The following ADAMTS17 variants were observed in gnomAD, a reference collection of about 807,000 sequenced individuals.
The protein encoded by ADAMTS17 is ADAM metallopeptidase with thrombospondin type 1 motif 17, also known as A disintegrin and metalloproteinase with thrombospondin motifs 17.
In ADAMTS17, 113 loss-of-function variants were observed where a neutral mutation model predicts 141.5. That is an observed-to-expected ratio of 0.80 (90% confidence interval 0.69 to 0.93). The LOEUF is 0.93. Among genes scored for constraint, ADAMTS17 ranks in the 40% least tolerant of loss-of-function variants. ADAMTS17 has a pLI of 0.00. For missense variants in ADAMTS17, 1,659 were observed against 1,517.9 expected (o/e 1.09, Z -1.54); for synonymous variants, 768 against 630.6 (o/e 1.22, Z -3.27).
intron 7 of ADAMTS17, among the ~76,000 whole-genome samples, chr15:100,200,410 G>A (rs1313689964): frequency 5.3e-5 from 8 of 152,056 alleles, no homozygotes; most frequent in Non-Finnish European, 7.4e-5. Flanking sequence ...AGCCCATGCC[G>A]GCCGCACTTC....
intron 6 of ADAMTS17, among the ~76,000 whole-genome samples, chr15:100,255,897 G>T (rs1457900949): frequency 6.6e-6 from 1 of 152,342 alleles, no homozygotes; most frequent in East Asian, 1.9e-4. Flanking sequence ...TCAAATGACA[G>T]ACCCCGAGGT....
chr15:100,236,473 T>C (rs569650365), intron 7 of ADAMTS17, among the ~76,000 whole-genome samples: 1 of 151,942 alleles, frequency 6.6e-6, no homozygotes, highest in South Asian at 2.1e-4. Context: ...CAGAGGCATG[T>C]AAATCTACAG....
intron 14 of ADAMTS17, among the ~76,000 whole-genome samples, chr15:100,104,090 A>AG (rs1294584214): frequency 6.6e-6 from 1 of 152,210 alleles, no homozygotes; most frequent in Non-Finnish European, 1.5e-5. Context: ...CAAACCAGTA[A>AG]GGCAAGCATA....
intron 15 of ADAMTS17, among the ~76,000 whole-genome samples, chr15:100,081,053 CAA>C (rs1465073366): frequency 1.3e-5 from 2 of 152,174 alleles, no homozygotes; most frequent in Admixed American, 1.3e-4. Context: ...AGGGTGTTGC[CAA>C]AAGAGTTTAA....
At chr15:100,217,079 A>G (rs984975681) in intron 7 of ADAMTS17, among the ~76,000 whole-genome samples, 2 of 151,132 alleles carry the variant, frequency 1.3e-5, no homozygotes, top group African/African-American at 4.9e-5. Flanking sequence ...GACATGAGAC[A>G]TGGGTTTGTG....
chr15:100,251,415 A>G (rs1171543706), intron 7 of ADAMTS17, among the ~76,000 whole-genome samples: 1 of 152,208 alleles, frequency 6.6e-6, no homozygotes, highest in Admixed American at 6.5e-5. Context: ...ATAGGTAGAG[A>G]GAGGACCTTC....
chr15:100,087,110 G>A (rs2035155763), intron 15 of ADAMTS17, among the ~76,000 whole-genome samples: 2 of 152,058 alleles, frequency 1.3e-5, no homozygotes, highest in African/African-American at 2.4e-5. Flanking sequence ...TAATAAAGAA[G>A]AAAACAGAGA....
chr15:100,106,294 G>C (rs2036411572), intron 14 of ADAMTS17, among the ~76,000 whole-genome samples: 1 of 152,212 alleles, frequency 6.6e-6, no homozygotes, highest in South Asian at 2.1e-4. Context: ...TGAGAAATAA[G>C]TCTGTTGCTT....
intron 3 of ADAMTS17, among the ~76,000 whole-genome samples, chr15:100,317,213 T>C (rs998947259): frequency 6.6e-6 from 1 of 152,088 alleles, no homozygotes; most frequent in Non-Finnish European, 1.5e-5. Context: ...AAAGACATAG[T>C]TCATATCAAC....
At chr15:100,158,603 C>A (rs2039546805) in intron 8 of ADAMTS17, among the ~76,000 whole-genome samples, 1 of 146,688 alleles carries the variant, frequency 6.8e-6, no homozygotes, top group East Asian at 2.0e-4. Context: ...CTCCTCCCTC[C>A]AGCCCCTGGC....
chr15:100,219,290 T>C (rs2141771857), intron 7 of ADAMTS17, among the ~76,000 whole-genome samples: 1 of 152,324 alleles, frequency 6.6e-6, no homozygotes. Flanking sequence ...GCTGTGTAAT[T>C]CTATAAATAT....
At chr15:100,100,073 G>A (rs867182830) in intron 14 of ADAMTS17, among the ~76,000 whole-genome samples, 2 of 152,184 alleles carry the variant, frequency 1.3e-5, no homozygotes, top group African/African-American at 4.8e-5. Context: ...CCCTGTCTCT[G>A]TTGTGCATGT....
intron 4 of ADAMTS17, among the ~76,000 whole-genome samples, chr15:100,270,958 C>T (rs914365895): frequency 2.0e-5 from 3 of 151,806 alleles, no homozygotes; most frequent in African/African-American, 7.3e-5. Context: ...GACTTTCCGT[C>T]TCTGTGAATT....
chr15:100,044,276 C>T (rs1299225475), intron 18 of ADAMTS17, among the ~76,000 whole-genome samples: 2 of 152,132 alleles, frequency 1.3e-5, no homozygotes, highest in Admixed American at 6.5e-5. Flanking sequence ...CTCTCCTCTC[C>T]TTCTGTGACT....
At position 100,223,507 on chromosome 15, in the gene ADAMTS17, T is replaced by A. The variant is rs77834499; in HGVS notation, c.1076-24084A>T. Reference sequence around the variant, plus strand: ...TCATCTCACGGGGGCAGAAGCTGGATATTGCCTTCCCAGGAAGCCAGGAGC... The same window carrying A: ...TCATCTCACGGGGGCAGAAGCTGGAAATTGCCTTCCCAGGAAGCCAGGAGC... On this transcript the variant is annotated intron_variant, in intron 7 of 21. Coordinates refer to ENST00000268070, the MANE Select transcript of ADAMTS17 (RefSeq NM_139057.4). Among the ~76,000 whole-genome samples, 117 of 152,094 alleles carry A rather than the reference T, an allele frequency of 7.7e-4. 2 individuals are homozygous for A. The highest frequency in any genetic ancestry group is 2.7e-3 in the African/African-American group (110 of 41,468).
At chr15:100,280,676 G>A (rs7495777) in intron 4 of ADAMTS17, among the ~76,000 whole-genome samples, 2,836 of 152,204 alleles carry the variant, frequency 0.019, 102 homozygotes, top group African/African-American at 0.065. Flanking sequence ...GAATGGGTGG[G>A]TAAAGCTAGG....
rs147222228 is a variant in ADAMTS17 at position 99,982,267 on chromosome 15, A to T, written c.2950-6045T>A. 6.6e-5 allele frequency among the ~76,000 whole-genome samples: 10 copies of T among 152,318 alleles called. No individual in the cohort carries two copies. In the East Asian group the frequency reaches 1.5e-3, roughly 24 times the overall value. Reference sequence around the variant, plus strand: ...GAGCTCCTGCAGCCCAGCAAGGCACACTGCGTCACCTGGCCCACTCCCTTA... The same window carrying T: ...GAGCTCCTGCAGCCCAGCAAGGCACTCTGCGTCACCTGGCCCACTCCCTTA... On this transcript the variant is annotated intron_variant, in intron 20 of 21. Transcript: ENST00000268070.
At chr15:99,998,518 C>T (rs376680795) in intron 18 of ADAMTS17, among the ~76,000 whole-genome samples, 1 of 152,172 alleles carries the variant, frequency 6.6e-6, no homozygotes, top group Non-Finnish European at 1.5e-5. Context: ...GCAGGAGAAT[C>T]GCTTGAACCC....
At chr15:100,209,825 A>G (rs988116526) in intron 7 of ADAMTS17, among the ~76,000 whole-genome samples, 1 of 152,200 alleles carries the variant, frequency 6.6e-6, no homozygotes, top group African/African-American at 2.4e-5. Flanking sequence ...TTCCATGCTT[A>G]TGGAGGCAGC....
Sources: gnomAD v4.1 joint callset for allele counts (sites outside exome capture counted in the v4.1 genomes callset) on GRCh38, gnomAD v4.1.1 for gene constraint, MANE v1.5 for transcripts, NCBI Gene and HGNC (gene_info 2026-07-23, HGNC 2026-07-21) for gene names.